CSNK1A1: variants seen among roughly 807,000 people sequenced by gnomAD.
The protein encoded by CSNK1A1 is casein kinase 1 alpha 1.
CSNK1A1 carries 7 observed loss-of-function variants against 46.1 expected under a neutral mutation model. The observed-to-expected ratio is 0.15, with a 90% CI of 0.09 to 0.29. The LOEUF (loss-of-function observed/expected upper bound fraction) is 0.29, where lower values mean the gene tolerates loss of function less well. Ranked by LOEUF, CSNK1A1 falls within the 10% of genes least tolerant of loss-of-function variation. The pLI is 1.00. For missense variants in CSNK1A1, 96 were observed against 417.1 expected (o/e 0.23, Z 6.71); for synonymous variants, 137 against 141.5 (o/e 0.97, Z 0.23).
At chr5:149,503,723 A>T (rs999298580) in intron 9 of CSNK1A1, 1 of 985,304 alleles carries the variant, frequency 1.0e-6, no homozygotes, top group Non-Finnish European at 1.2e-6. Context: ...GCAGGACACA[A>T]ATTCTGCTTG....
At chr5:149,515,850 G>A (rs1003775883) in intron 4 of CSNK1A1, among the ~76,000 whole-genome samples, 5 of 152,168 alleles carry the variant, frequency 3.3e-5, no homozygotes, top group African/African-American at 1.2e-4. Context: ...TCAAATAAGC[G>A]TAAGATAATG....
chr5:149,513,102 A>G lies in CSNK1A1; in HGVS notation c.564T>C (p.Ala188=). 3.1e-6 allele frequency: 5 copies of G among 1,614,138 alleles called. No homozygotes were observed. Among genetic ancestry groups the G allele is most frequent in the South Asian group, 2.2e-5 (2 of 91,088 alleles). Residue 188 remains alanine (A), a synonymous_variant, in exon 5 of 10, where the codon GCT becomes GCC. Coordinates refer to ENST00000377843, the MANE Select transcript of CSNK1A1 (RefSeq NM_001892.6). ...DKNLTGTARY[A]SINAHLGIEQ... is the part of the protein sequence containing the mutation. ...CAATACCAAGATGTGCATTGATGCTAGCATATCGGGCAGTGCCAGTGAGGT... is the reference window on the plus strand; with the variant it reads ...CAATACCAAGATGTGCATTGATGCTGGCATATCGGGCAGTGCCAGTGAGGT...
intron 4 of CSNK1A1, among the ~76,000 whole-genome samples, chr5:149,515,182 A>G (rs916816055): frequency 7.2e-5 from 11 of 152,222 alleles, no homozygotes; most frequent in African/African-American, 2.7e-4. Flanking sequence ...CATTGAATGA[A>G]GAGTGATTAG....
At position 149,544,758 on chromosome 5, in the gene CSNK1A1, T is replaced by TATATATATATATATATACAC. The variant is rs150989849; in HGVS notation, c.230+5316_230+5317insGTGTATATATATATATATAT. Reference sequence around the variant, plus strand: ...AGCTTTATATATATATATATATATATATATATAGTTATTGACCAATCATGT... The same window carrying TATATATATATATATATACAC: ...AGCTTTATATATATATATATATATATATATATATATATATATACACATATATAGTTATTGACCAATCATGT... On this transcript the variant is annotated intron_variant, in intron 2 of 9. Coordinates refer to ENST00000377843, the MANE Select transcript of CSNK1A1 (RefSeq NM_001892.6). Among the ~76,000 whole-genome samples, 71 of 129,260 alleles carry TATATATATATATATATACAC rather than the reference T, an allele frequency of 5.5e-4. 2 individuals carry two copies. The highest frequency in any genetic ancestry group is 3.8e-3 in the Middle Eastern group (1 of 260). The allele number at this position is 129,260 out of a possible 152,430, so 84.8% of individuals were successfully genotyped here.
At chr5:149,512,259 A>G (rs1761248834) in intron 5 of CSNK1A1, among the ~76,000 whole-genome samples, 1 of 152,112 alleles carries the variant, frequency 6.6e-6, no homozygotes, top group African/African-American at 2.4e-5. Context: ...TTGAACATCT[A>G]TATGAATGTA....
chr5:149,501,518 G>A (rs1760854883), intron 9 of CSNK1A1: 1 of 985,264 alleles, frequency 1.0e-6, no homozygotes, highest in Admixed American at 6.1e-5. Context: ...GGAAGACTGT[G>A]GACATGGTAG....
At chr5:149,530,682 C>G (rs758583729) in intron 2 of CSNK1A1, among the ~76,000 whole-genome samples, 1 of 152,056 alleles carries the variant, frequency 6.6e-6, no homozygotes, top group Non-Finnish European at 1.5e-5. Context: ...GTTCCAGCTA[C>G]TCAGGCCAGG....
Position 149,551,077 on chromosome 5 carries a change from G to A in CSNK1A1, c.-113C>T. On this transcript the variant is annotated 5_prime_UTR_variant, in exon 1 of 10. Coordinates refer to ENST00000377843, the MANE Select transcript of CSNK1A1 (RefSeq NM_001892.6). Reference sequence around the variant, plus strand: ...CTACGGAGGAGGGCGGCAGGAAACGGAACACGGAGGCCTTTACCGGGGTTC... The same window carrying A: ...CTACGGAGGAGGGCGGCAGGAAACGAAACACGGAGGCCTTTACCGGGGTTC... The A allele has an allele frequency of 8.4e-7, 1 of 1,184,626 alleles. No individual in the cohort carries two copies. The highest frequency in any genetic ancestry group is 1.2e-6 in the Non-Finnish European group (1 of 831,334). 73.4% of individuals were successfully genotyped at this position (1,184,626 alleles called of 1,614,324 possible).
chr5:149,539,021 C>T (rs1762148774), intron 2 of CSNK1A1, among the ~76,000 whole-genome samples: 1 of 151,820 alleles, frequency 6.6e-6, no homozygotes, highest in African/African-American at 2.4e-5. Flanking sequence ...ACACAAGATA[C>T]CTCTATGAGT....
intron 2 of CSNK1A1, among the ~76,000 whole-genome samples, chr5:149,544,872 A>T (rs1762421847): frequency 6.6e-6 from 1 of 150,860 alleles, no homozygotes; most frequent in South Asian, 2.1e-4. Context: ...GCAGTGGTCC[A>T]TGCCTGTAAT....
intron 3 of CSNK1A1, among the ~76,000 whole-genome samples, chr5:149,522,160 T>C (rs1167944606): frequency 1.3e-5 from 2 of 152,178 alleles, no homozygotes; most frequent in African/African-American, 4.8e-5. Flanking sequence ...CTGGCTGGGG[T>C]GCAGTGACGA....
chr5:149,501,154 G>C, intron 9 of CSNK1A1: 1 of 985,340 alleles, frequency 1.0e-6, no homozygotes, highest in Non-Finnish European at 1.2e-6. Flanking sequence ...GAATTTGAAG[G>C]TCCAGCAGTC....
chr5:149,544,758 T>TATATATATATATATATATACACACAC (rs150989849), intron 2 of CSNK1A1, among the ~76,000 whole-genome samples: 13 of 129,284 alleles, frequency 1.0e-4, no homozygotes, highest in African/African-American at 4.1e-4. Flanking sequence ...TATATATATA[T>TATATATATATATATATATACACACAC]ATATATAGTT....
At position 149,550,763 on chromosome 5, in the gene CSNK1A1, C is replaced by G. The variant is rs1453725110; in HGVS notation, c.123+79G>C. Reference sequence around the variant, plus strand: ...TGCGTGCGATGAGGAGAGGCCCGAGCACTTTGGGGGTGCACGGTGGTGGTG... The same window carrying G: ...TGCGTGCGATGAGGAGAGGCCCGAGGACTTTGGGGGTGCACGGTGGTGGTG... On this transcript the variant is annotated intron_variant, in intron 1 of 9. Transcript: ENST00000377843. This position sits in a 1 kb window ranked among gnomAD's most constrained non-coding sequence, Gnocchi z 4.3. The G allele has an allele frequency of 7.5e-6, 12 of 1,593,884 alleles. No individual in the cohort carries two copies. Among genetic ancestry groups the G allele is most frequent in the Non-Finnish European group, 1.0e-5 (12 of 1,167,620 alleles).
Position 149,501,916 on chromosome 5 carries a change from G to A in CSNK1A1, c.1006+3531C>T, listed in dbSNP as rs186105079. On this transcript the variant is annotated intron_variant, in intron 9 of 9. Transcript: ENST00000377843. ...TGTGAATCTTATGTATTTTTCTTGG[G>A]AACATGAATAAAAACAGTAATTATA... 2.0e-5 allele frequency: 19 copies of A among 949,808 alleles called. No homozygotes were observed. The East Asian group carries it at 2.0e-3, about 98-fold the overall frequency. The allele number at this position is 949,808 out of a possible 1,614,324, so 58.8% of individuals were successfully genotyped here.
chr5:149,520,466 C>A, intron 3 of CSNK1A1, 78 bp from the exon 4 acceptor site: 2 of 791,926 alleles, frequency 2.5e-6, no homozygotes, highest in East Asian at 2.5e-5. Context: ...ATTTCAGTAT[C>A]TCAATTATTT....
At position 149,533,474 on chromosome 5, in the gene CSNK1A1, C is replaced by T. The variant is rs143484584; in HGVS notation, c.231-8303G>A. On this transcript the variant is annotated intron_variant, in intron 2 of 9. Coordinates refer to ENST00000377843, the MANE Select transcript of CSNK1A1 (RefSeq NM_001892.6). ...TGGCACCAGGCTGAAGTCTGGTGCT[C>T]ACAAGAAACTAAGTGACAGCATAGG... Among the ~76,000 whole-genome samples the T allele has an allele frequency of 1.5e-4, 23 of 152,094 alleles. No homozygotes were observed. The East Asian group carries it at 3.5e-3, about 23-fold the overall frequency.
At chr5:149,530,182 T>C (rs1053010734) in intron 2 of CSNK1A1, among the ~76,000 whole-genome samples, 1 of 152,310 alleles carries the variant, frequency 6.6e-6, no homozygotes, top group Admixed American at 6.5e-5. Context: ...ACAATCTGTA[T>C]TCCCAGCATA....
Position 149,550,035 on chromosome 5 carries a change from GCTTCCCTCA to G in CSNK1A1, c.230+31_230+39del. 1 of 1,594,864 alleles carries G rather than the reference GCTTCCCTCA, an allele frequency of 6.3e-7. No homozygotes were observed. The highest frequency in any genetic ancestry group is 8.6e-7 in the Non-Finnish European group (1 of 1,168,380). On this transcript the variant is annotated intron_variant, in intron 2 of 9. Transcript: ENST00000377843. This position sits in a 1 kb window ranked among gnomAD's most constrained non-coding sequence, Gnocchi z 4.3. ...GCCTCTACCCACTTCCCCATTCCGT[GCTTCCCTCA>G]GCGGATCGCCTATATGCACCGGGTT...
Sources: gnomAD v4.1 joint callset for allele counts (sites outside exome capture counted in the v4.1 genomes callset) on GRCh38, gnomAD v4.1.1 for gene constraint, Gnocchi (gnomAD v3.1) non-coding constraint, MANE v1.5 for transcripts, NCBI Gene and HGNC (gene_info 2026-07-23, HGNC 2026-07-21) for gene names.